The following HIP1 variants were observed in gnomAD, a reference collection of about 807,000 sequenced individuals.
The protein encoded by HIP1 is huntingtin interacting protein 1, also known as huntingtin-interacting protein 1.
Under a neutral mutation model 147.6 loss-of-function variants are expected in HIP1, and 65 were observed. The observed-to-expected ratio is 0.44, with a 90% CI of 0.36 to 0.54. The LOEUF (loss-of-function observed/expected upper bound fraction) is 0.54. HIP1 is among the 20% of genes least tolerant of loss of function. The probability of loss-of-function intolerance (pLI) is 0.00; values close to 1 mark genes in which losing one functional copy is unlikely to be tolerated. For missense variants in HIP1, 1,061 were observed against 1,299.6 expected, an observed-to-expected ratio of 0.82 and a Z score of 2.82; for synonymous variants, 479 against 504.0, an observed-to-expected ratio of 0.95 and a Z score of 0.67.
chr7:75,556,882 G>C (rs113598700), intron 16 of HIP1, 71 bp from the exon 17 acceptor site: 2 of 937,286 alleles, frequency 2.1e-6, no homozygotes, highest in Non-Finnish European at 1.7e-6. Flanking sequence ...ATGTAAAAAC[G>C]TCCCAAGCGA....
chr7:75,540,432 CA>C (rs57415264), intron 29 of HIP1, among the ~76,000 whole-genome samples: 30,132 of 127,040 alleles, frequency 0.24, 3,954 homozygotes, highest in African/African-American at 0.39. Context: ...GACTCGGTCT[CA>C]AAAAAAAAAA....
At chr7:75,664,611 G>A (rs1554514428) in intron 1 of HIP1, among the ~76,000 whole-genome samples, 1 of 149,830 alleles carries the variant, frequency 6.7e-6, no homozygotes, top group Non-Finnish European at 1.5e-5. Context: ...GAGAGAGAGA[G>A]AGAGAGACAG....
intron 1 of HIP1, among the ~76,000 whole-genome samples, chr7:75,643,237 G>A (rs1450352930): frequency 6.6e-6 from 1 of 152,222 alleles, no homozygotes; most frequent in African/African-American, 2.4e-5. Context: ...AGGGCCTTAA[G>A]TAACATATGT....
chr7:75,664,273 CATAT>C (rs1311101356), intron 1 of HIP1, among the ~76,000 whole-genome samples: 1 of 141,104 alleles, frequency 7.1e-6, no homozygotes, highest in South Asian at 2.2e-4. Context: ...TGTATACATA[CATAT>C]ATACACACAT....
chr7:75,651,275 T>C (rs1214959869), intron 1 of HIP1, among the ~76,000 whole-genome samples: 1 of 151,582 alleles, frequency 6.6e-6, no homozygotes, highest in Non-Finnish European at 1.5e-5. Flanking sequence ...CTGGTCAATA[T>C]GGTGAAACCA....
intron 1 of HIP1, among the ~76,000 whole-genome samples, chr7:75,649,241 C>T (rs1350480139): frequency 6.6e-6 from 1 of 152,194 alleles, no homozygotes; most frequent in Non-Finnish European, 1.5e-5. Flanking sequence ...TCAGGCTAGT[C>T]TCAAACTCCC....
At chr7:75,560,896 G>A (rs1172384882) in intron 13 of HIP1, among the ~76,000 whole-genome samples, 1 of 150,794 alleles carries the variant, frequency 6.6e-6, no homozygotes, top group Non-Finnish European at 1.5e-5. Context: ...CGCCTGGCTT[G>A]TTTCTACTAA....
intron 1 of HIP1, among the ~76,000 whole-genome samples, chr7:75,717,506 C>G (rs1397570050): frequency 3.9e-5 from 6 of 151,994 alleles, no homozygotes; most frequent in Non-Finnish European, 8.8e-5. Flanking sequence ...ATGGCAGGTT[C>G]ATAACAATGG....
chr7:75,652,024 G>A (rs1799009596), intron 1 of HIP1, among the ~76,000 whole-genome samples: 1 of 132,556 alleles, frequency 7.5e-6, no homozygotes, highest in Non-Finnish European at 1.6e-5. Flanking sequence ...AAAAAAAAAA[G>A]CACTATATGA....
chr7:75,567,702 G>A (rs1198120430), intron 9 of HIP1, among the ~76,000 whole-genome samples: 3 of 151,814 alleles, frequency 2.0e-5, no homozygotes, highest in African/African-American at 7.3e-5. Context: ...TCGAGAGGCT[G>A]ATGCAGGAGA....
At position 75,582,110 on chromosome 7, in the gene HIP1, C is replaced by A; in HGVS notation, c.507G>T (p.Gln169His). The A allele has an allele frequency of 6.2e-7, 1 of 1,614,078 alleles. No individual in the cohort carries two copies. The highest frequency in any genetic ancestry group is 8.5e-7 in the Non-Finnish European group (1 of 1,179,974). ...CGTCACTTTCTCCAGCCTCGTCCAGCTGGCGGTCACTCATCTGCAGGTTGC... is the reference window on the plus strand; with the variant it reads ...CGTCACTTTCTCCAGCCTCGTCCAGATGGCGGTCACTCATCTGCAGGTTGC... ...FPGNLQMSDRQLDEAGESDVN... is the reference protein window; with the variant it reads ...FPGNLQMSDRHLDEAGESDVN... The change falls in exon 6 of 31, where the codon CAG becomes CAT. Residue 169 changes from glutamine (Q) to histidine (H), a missense_variant. Transcript: ENST00000336926.
intron 1 of HIP1, among the ~76,000 whole-genome samples, chr7:75,632,270 C>A (rs79830432): frequency 0.04 from 6,080 of 152,218 alleles, 108 homozygotes; most frequent in East Asian, 0.067. Context: ...CGTCCTCACC[C>A]AGGGGCCTAC....
intron 1 of HIP1, among the ~76,000 whole-genome samples, chr7:75,722,609 C>T (rs2117382770): frequency 6.6e-6 from 1 of 152,288 alleles, no homozygotes; most frequent in East Asian, 1.9e-4. Flanking sequence ...GCAGGCCTAC[C>T]CTGGGGGAAG....
intron 1 of HIP1, among the ~76,000 whole-genome samples, chr7:75,679,875 T>A (rs1800008803): frequency 6.6e-6 from 1 of 152,092 alleles, no homozygotes; most frequent in Non-Finnish European, 1.5e-5. Flanking sequence ...GACCTCAGCA[T>A]CAAGATGTCC....
intron 1 of HIP1, among the ~76,000 whole-genome samples, chr7:75,661,514 A>G (rs1799313936): frequency 6.9e-6 from 1 of 144,658 alleles, no homozygotes; most frequent in Non-Finnish European, 1.5e-5. Flanking sequence ...CGGAGGTTGC[A>G]GTGAGCCGAG....
rs139572026 is a variant in HIP1, at chr7:75,556,825, A to G, written c.1582-14T>C. 2.7e-3 allele frequency: 4,078 copies of G among 1,495,234 alleles called. 46 individuals carry two copies. The highest frequency in any genetic ancestry group is 0.021 in the South Asian group (1,880 of 88,392). 92.6% of individuals were successfully genotyped at this position (1,495,234 alleles called of 1,614,324 possible). ...CTGTTCTTGAGTCTGAAAGAGAAGA[A>G]AAACAGAGGGACTCTGATCTGGGTG... is the stretch of plus-strand genomic sequence containing the variant. On this transcript the variant is annotated splice_polypyrimidine_tract_variant and intron_variant, in intron 16 of 30. Transcript: ENST00000336926.
At chr7:75,547,616 T>C in intron 24 of HIP1, 139 bp downstream of exon 24, 1 of 747,416 alleles carries the variant, frequency 1.3e-6, no homozygotes, top group Non-Finnish European at 2.4e-6. Flanking sequence ...AATACTGTTA[T>C]TGATGATTAC....
chr7:75,686,369 G>A (rs564037491), intron 1 of HIP1, among the ~76,000 whole-genome samples: 35 of 152,094 alleles, frequency 2.3e-4, no homozygotes, highest in African/African-American at 7.2e-4. Context: ...TTTGGTTTTC[G>A]CAGTTAGGCC....
chr7:75,571,714 C>T lies in HIP1; in HGVS notation c.745+2047G>A, dbSNP rs967538102. On this transcript the variant is annotated intron_variant, in intron 8 of 30. Coordinates refer to ENST00000336926, the MANE Select transcript of HIP1 (RefSeq NM_005338.7). ...CCTCTCGCCTTAGCCTCCCAGGTAGCTGGGACTACAGGCGCATGTCACCAT... is the reference window on the plus strand; with the variant it reads ...CCTCTCGCCTTAGCCTCCCAGGTAGTTGGGACTACAGGCGCATGTCACCAT... 2.6e-5 allele frequency among the ~76,000 whole-genome samples: 4 copies of T among 152,144 alleles called. No homozygotes were observed. In the East Asian group the frequency reaches 7.7e-4, roughly 29 times the overall value.
Sources: gnomAD v4.1 joint callset for allele counts (sites outside exome capture counted in the v4.1 genomes callset) on GRCh38, gnomAD v4.1.1 for gene constraint, MANE v1.5 for transcripts, NCBI Gene and HGNC (gene_info 2026-07-23, HGNC 2026-07-21) for gene names.